The following ARHGEF4 variants were observed in gnomAD, a reference collection of about 807,000 sequenced individuals.
The protein encoded by ARHGEF4 is Rho guanine nucleotide exchange factor 4, also known as APC-stimulated guanine nucleotide exchange factor 1.
In ARHGEF4, 119 loss-of-function variants were observed where a neutral mutation model predicts 162.0. The ratio of observed to expected loss-of-function variants is 0.73; its 90% CI spans 0.63 to 0.86. The LOEUF (loss-of-function observed/expected upper bound fraction) is 0.86. Among genes scored for constraint, ARHGEF4 ranks in the 40% least tolerant of loss-of-function variants. The probability of loss-of-function intolerance (pLI) is 0.00; values close to 1 mark genes in which losing one functional copy is unlikely to be tolerated. For missense variants in ARHGEF4, 2,488 were observed against 2,456.0 expected, an observed-to-expected ratio of 1.01 and a Z score of -0.28; for synonymous variants, 1,014 against 979.9, an observed-to-expected ratio of 1.03 and a Z score of -0.65.
At chr2:131,033,487 G>A (rs1160074747) in intron 5 of ARHGEF4, among the ~76,000 whole-genome samples, 3 of 152,156 alleles carry the variant, frequency 2.0e-5, no homozygotes, top group Non-Finnish European at 4.4e-5. Flanking sequence ...CCAGCTCACC[G>A]ACCCACTGTA....
At chr2:130,931,805 A>G (rs966941171) in intron 3 of ARHGEF4, among the ~76,000 whole-genome samples, 8 of 152,212 alleles carry the variant, frequency 5.3e-5, no homozygotes, top group African/African-American at 1.9e-4. Flanking sequence ...AATCTCTGAC[A>G]AGAGTTTCTT....
chr2:130,970,111 G>A (rs1472848030), intron 4 of ARHGEF4, among the ~76,000 whole-genome samples: 1 of 152,200 alleles, frequency 6.6e-6, no homozygotes, highest in African/African-American at 2.4e-5. Flanking sequence ...TAGTATGTGA[G>A]TCTTTGTATG....
At chr2:130,848,436 G>C (rs1211621557) in intron 1 of ARHGEF4, among the ~76,000 whole-genome samples, 1 of 152,228 alleles carries the variant, frequency 6.6e-6, no homozygotes, top group Non-Finnish European at 1.5e-5. Flanking sequence ...CCCTGGACAG[G>C]GGCTTCCGAG....
chr2:130,994,571 A>G (rs1281125200), intron 4 of ARHGEF4, among the ~76,000 whole-genome samples: 1 of 152,060 alleles, frequency 6.6e-6, no homozygotes, highest in Non-Finnish European at 1.5e-5. Context: ...GTCCAATAAG[A>G]CGTTGTTTTG....
At chr2:131,045,793 C>G (rs1691202213) in intron 13 of ARHGEF4, 8 of 1,427,780 alleles carry the variant, frequency 5.6e-6, no homozygotes, top group Non-Finnish European at 7.3e-6. Flanking sequence ...TGAAACATCA[C>G]ATGCCTTTGC....
chr2:131,005,342 C>G (rs1418849223), intron 4 of ARHGEF4, among the ~76,000 whole-genome samples: 2 of 152,110 alleles, frequency 1.3e-5, no homozygotes, highest in Non-Finnish European at 2.9e-5. Context: ...AAGCCCTCCC[C>G]GGTGAGCTAC....
chr2:130,988,899 TATAGAGAGAGAGAG>T (rs1215949163), intron 4 of ARHGEF4, among the ~76,000 whole-genome samples: 40 of 113,048 alleles, frequency 3.5e-4, no homozygotes, highest in South Asian at 1.9e-3. Flanking sequence ...TATATATATA[TATAGAGAGAGAGAG>T]AGAGAGAGAG....
intron 5 of ARHGEF4, chr2:131,035,762 C>T (rs978469537): frequency 6.1e-6 from 6 of 985,062 alleles, no homozygotes; most frequent in East Asian, 1.1e-4. Context: ...CCCCCTTGCA[C>T]GTGGGCCCTC....
intron 1 of ARHGEF4, among the ~76,000 whole-genome samples, chr2:130,870,097 C>T (rs1678360261): frequency 6.6e-6 from 1 of 152,184 alleles, no homozygotes; most frequent in Admixed American, 6.5e-5. Flanking sequence ...CAATATTCGC[C>T]CTCTGCTGTC....
In ARHGEF4 at chr2:131,045,366, C is replaced by T. The variant is rs776450332; in HGVS notation, c.5402-3C>T. The T allele has an allele frequency of 2.5e-6, 4 of 1,612,440 alleles. No homozygotes were observed. Among genetic ancestry groups the T allele is most frequent in the Middle Eastern group, 1.7e-4 (1 of 6,056 alleles). The stretch of plus-strand genomic sequence containing the variant: ...AGCGCCCTCACCTGTGCCCCTTCCT[C>T]AGGCTTCTCCATCACTGAACTGCAG... On this transcript the variant is annotated splice_region_variant and splice_polypyrimidine_tract_variant and intron_variant, in intron 12 of 13. Coordinates refer to ENST00000409359, the MANE Select transcript of ARHGEF4 (RefSeq NM_001367493.1).
chr2:131,044,580 CCCACCCGG>C, intron 12 of ARHGEF4, 38 bp downstream of exon 12: 3 of 1,532,960 alleles, frequency 2.0e-6, no homozygotes, highest in Non-Finnish European at 2.6e-6. Context: ...GCCCCCAGGG[CCCACCCGG>C]CGCTCCCGCC....
intron 4 of ARHGEF4, among the ~76,000 whole-genome samples, chr2:131,020,900 G>A (rs1689082489): frequency 6.6e-6 from 1 of 152,120 alleles, no homozygotes; most frequent in African/African-American, 2.4e-5. Flanking sequence ...GGTGTGAGAT[G>A]GTATCTCATT....
At chr2:131,013,476 C>T (rs1239846170) in intron 4 of ARHGEF4, among the ~76,000 whole-genome samples, 2 of 152,202 alleles carry the variant, frequency 1.3e-5, no homozygotes, top group African/African-American at 4.8e-5. Context: ...TGCCCAACCC[C>T]TGTAAGCTCA....
chr2:130,962,875 C>T (rs1684716540), intron 4 of ARHGEF4, among the ~76,000 whole-genome samples: 1 of 152,168 alleles, frequency 6.6e-6, no homozygotes, highest in South Asian at 2.1e-4. Flanking sequence ...ATCACGACTG[C>T]CCCTCAACCT....
At position 130,916,602 on chromosome 2, in the gene ARHGEF4, C is replaced by A. The variant is rs879157139; in HGVS notation, c.2656C>A (p.Arg886=). Residue 886 remains arginine (R), a synonymous_variant, in exon 2 of 14, where the codon CGA becomes AGA. Coordinates refer to ENST00000409359, the MANE Select transcript of ARHGEF4 (RefSeq NM_001367493.1). ...GGGGACCTCAGGGGATCTTGGTAGCCGAGGGCCTTCCTCTGAGAGCTGCAA... is the reference window on the plus strand; with the variant it reads ...GGGGACCTCAGGGGATCTTGGTAGCAGAGGGCCTTCCTCTGAGAGCTGCAA... ...HTGTSGDLGS[R]GPSSESCNAK... is the part of the protein sequence containing the mutation. The A allele has an allele frequency of 6.4e-7, 1 of 1,550,484 alleles. No individual in the cohort carries two copies. Among genetic ancestry groups the A allele is most frequent in the South Asian group, 1.2e-5 (1 of 84,050 alleles).
chr2:130,932,388 T>C (rs771426002), intron 3 of ARHGEF4, among the ~76,000 whole-genome samples: 1 of 152,208 alleles, frequency 6.6e-6, no homozygotes, highest in Non-Finnish European at 1.5e-5. Context: ...TTTGTATTTT[T>C]AGTAAAGATG....
intron 1 of ARHGEF4, among the ~76,000 whole-genome samples, chr2:130,856,853 G>T (rs1224762017): frequency 1.3e-5 from 2 of 152,184 alleles, no homozygotes; most frequent in African/African-American, 4.8e-5. Flanking sequence ...AGAGGTGATT[G>T]GGAACAAAGC....
chr2:130,855,183 C>G (rs1210570385), intron 1 of ARHGEF4, among the ~76,000 whole-genome samples: 1 of 151,936 alleles, frequency 6.6e-6, no homozygotes, highest in Non-Finnish European at 1.5e-5. Flanking sequence ...CCGGAGGAGT[C>G]TTTTTACTTG....
chr2:131,045,732 T>G (rs957789693), intron 13 of ARHGEF4: 7 of 1,436,372 alleles, frequency 4.9e-6, no homozygotes, highest in Admixed American at 2.9e-5. Context: ...GCATCTGGGG[T>G]TGGTGTAGGG....
Sources: gnomAD v4.1 joint callset for allele counts (sites outside exome capture counted in the v4.1 genomes callset) on GRCh38, gnomAD v4.1.1 for gene constraint, MANE v1.5 for transcripts, NCBI Gene and HGNC (gene_info 2026-07-23, HGNC 2026-07-21) for gene names.